Variants in RGS7BP observed in about 807,000 individuals in gnomAD.
RGS7BP encodes regulator of G protein signaling 7 binding protein, also known as regulator of G protein signaling 7-binding protein.
Under a neutral mutation model 31.3 loss-of-function variants are expected in RGS7BP, and 9 were observed. That is an observed-to-expected ratio of 0.29 (90% CI 0.17 to 0.50). The LOEUF is 0.50. RGS7BP is among the 20% of genes least tolerant of loss of function. RGS7BP has a pLI of 0.98. For missense variants in RGS7BP, 274 were observed against 322.0 expected (o/e 0.85, Z 1.14); for synonymous variants, 115 against 120.1 (o/e 0.96, Z 0.28).
intron 2 of RGS7BP, among the ~76,000 whole-genome samples, chr5:64,551,272 T>A (rs572854407): frequency 2.7e-4 from 40 of 150,232 alleles, no homozygotes; most frequent in Middle Eastern, 3.4e-3. Context: ...ATTTTATTTT[T>A]TTTTTTTTGA....
intron 1 of RGS7BP, 145 bp from the exon 2 acceptor site, chr5:64,507,566 C>A: frequency 1.5e-6 from 1 of 668,794 alleles, no homozygotes; most frequent in African/African-American, 1.8e-5. Flanking sequence ...GTGCCTTCTG[C>A]TTTAAACAAT....
At chr5:64,538,883 A>G (rs945803571) in intron 2 of RGS7BP, among the ~76,000 whole-genome samples, 2 of 151,826 alleles carry the variant, frequency 1.3e-5, no homozygotes, top group African/African-American at 2.4e-5. Context: ...AGCCTAATTC[A>G]TTTGAGATTC....
At position 64,506,648 on chromosome 5, in the gene RGS7BP, C is replaced by T. The variant is rs368559497; in HGVS notation, c.24C>T (p.Arg8=). The change falls in exon 1 of 6, where the codon CGC becomes CGT. Residue 8 remains arginine, a synonymous_variant. Transcript: ENST00000334025. The surrounding 1 kb of genome is among the most constrained non-coding windows in gnomAD (Gnocchi z 4.6). MSSAPNG[R]KKRPSRSTRS... is the part of the protein sequence containing the mutation. ...GCATGAGTTCTGCACCGAATGGGCG[C>T]AAAAAGCGCCCCAGCCGGTCCACCC... 1 of 1,610,364 alleles carries T rather than the reference C, an allele frequency of 6.2e-7. No individual in the cohort carries two copies. The highest frequency in any genetic ancestry group is 8.5e-7 in the Non-Finnish European group (1 of 1,178,222).
intron 2 of RGS7BP, among the ~76,000 whole-genome samples, chr5:64,516,071 C>T (rs1251534819): frequency 6.6e-6 from 1 of 152,030 alleles, no homozygotes; most frequent in African/African-American, 2.4e-5. Flanking sequence ...CCCAAAGTGC[C>T]AGGATTATAG....
chr5:64,557,180 G>A (rs1344893079), intron 2 of RGS7BP, among the ~76,000 whole-genome samples: 1 of 152,076 alleles, frequency 6.6e-6, no homozygotes, highest in African/African-American at 2.4e-5. Context: ...CTAAATTCTT[G>A]GGAAAGAATG....
intron 3 of RGS7BP, among the ~76,000 whole-genome samples, chr5:64,581,204 C>A (rs998974903): frequency 1.3e-5 from 2 of 152,162 alleles, no homozygotes; most frequent in African/African-American, 2.4e-5. Context: ...CACAGCAAGA[C>A]CCCATCTCAA....
At chr5:64,527,343 T>C (rs1749255352) in intron 2 of RGS7BP, among the ~76,000 whole-genome samples, 1 of 152,068 alleles carries the variant, frequency 6.6e-6, no homozygotes, top group African/African-American at 2.4e-5. Context: ...ATTCAGAATG[T>C]CTGGAGGTGA....
rs529212881 is a variant in RGS7BP, at chr5:64,610,923, T to G, written c.*1671T>G. ...TCTCTATTTAGATCATACCAGCTGG[T>G]TTTTGGCCTTATTCTTTGAATCTAG... On this transcript the variant is annotated 3_prime_UTR_variant, in exon 6 of 6. Transcript: ENST00000334025. 1 of 151,956 alleles carries G rather than the reference T, an allele frequency of 6.6e-6. No individual in the cohort carries two copies. Among genetic ancestry groups the G allele is most frequent in the African/African-American group, 2.4e-5 (1 of 41,484 alleles). 9.4% of individuals were successfully genotyped at this position (151,956 alleles called of 1,614,324 possible).
At chr5:64,568,775 GGTTA>G (rs1742230673) in intron 2 of RGS7BP, among the ~76,000 whole-genome samples, 1 of 126,506 alleles carries the variant, frequency 7.9e-6, no homozygotes, top group African/African-American at 2.9e-5. Context: ...GGGAACTGAT[GGTTA>G]TTGTTTTTTT....
chr5:64,520,536 T>C (rs932837786), intron 2 of RGS7BP, among the ~76,000 whole-genome samples: 3 of 152,218 alleles, frequency 2.0e-5, no homozygotes, highest in Non-Finnish European at 2.9e-5. Context: ...TTTTCAGTCT[T>C]TCTTTCCCTA....
rs1174645789 is a variant in RGS7BP at position 64,507,695 on chromosome 5, C to A, written c.166-16C>A. On this transcript the variant is annotated splice_polypyrimidine_tract_variant and intron_variant, in intron 1 of 5. Coordinates refer to ENST00000334025, the MANE Select transcript of RGS7BP (RefSeq NM_001029875.3). ...GAAATGTTTGGTAAAAAAAAAAAAA[C>A]TCACTTCTTTTCCAGCTTGTCCAAG... 8.6e-6 allele frequency: 13 copies of A among 1,514,314 alleles called. No homozygotes were observed. Among genetic ancestry groups the A allele is most frequent in the Admixed American group, 2.1e-5 (1 of 46,954 alleles). 93.8% of individuals were successfully genotyped at this position (1,514,314 alleles called of 1,614,324 possible).
At chr5:64,567,868 A>G (rs1253870709) in intron 2 of RGS7BP, among the ~76,000 whole-genome samples, 2 of 152,204 alleles carry the variant, frequency 1.3e-5, no homozygotes, top group African/African-American at 2.4e-5. Flanking sequence ...AATGAAAATT[A>G]ACAAGTTGAT....
intron 3 of RGS7BP, among the ~76,000 whole-genome samples, chr5:64,582,274 G>A (rs1177910707): frequency 6.6e-6 from 1 of 152,234 alleles, no homozygotes; most frequent in African/African-American, 2.4e-5. Flanking sequence ...AGTGGAGCCA[G>A]GTTTCCAAGG....
chr5:64,598,887 T>C (rs1170649540), intron 5 of RGS7BP, among the ~76,000 whole-genome samples: 1 of 152,188 alleles, frequency 6.6e-6, no homozygotes, highest in Non-Finnish European at 1.5e-5. Flanking sequence ...TTGAGGGAAA[T>C]GCTATTAGTG....
intron 2 of RGS7BP, among the ~76,000 whole-genome samples, chr5:64,572,088 A>C (rs1742313357): frequency 6.6e-6 from 1 of 152,170 alleles, no homozygotes; most frequent in African/African-American, 2.4e-5. Flanking sequence ...GTGTTAGACT[A>C]AACATAAGTA....
intron 2 of RGS7BP, among the ~76,000 whole-genome samples, chr5:64,534,716 A>G (rs1336007804): frequency 6.6e-6 from 1 of 152,244 alleles, no homozygotes; most frequent in African/African-American, 2.4e-5. Context: ...TTCAGCATCC[A>G]TTAATACCCA....
Position 64,544,500 on chromosome 5 carries a change from C to T in RGS7BP, c.333-31274C>T, listed in dbSNP as rs148867663. Among the ~76,000 whole-genome samples the T allele has an allele frequency of 8.7e-3, 1,196 of 137,766 alleles. 14 individuals carry two copies. The highest frequency in any genetic ancestry group is 0.034 in the African/African-American group (1,120 of 33,398). 90.4% of individuals were successfully genotyped at this position (137,766 alleles called of 152,430 possible). ...GACCAGCCTGGGCAACATAGTGAGA[C>T]CCTGTCTCTGAAAAAAAAAAAAAAA... On this transcript the variant is annotated intron_variant, in intron 2 of 5. Coordinates refer to ENST00000334025, the MANE Select transcript of RGS7BP (RefSeq NM_001029875.3).
chr5:64,548,917 C>T (rs1302467142), intron 2 of RGS7BP, among the ~76,000 whole-genome samples: 1 of 150,402 alleles, frequency 6.6e-6, no homozygotes, highest in Non-Finnish European at 1.5e-5. Context: ...AATACCATCA[C>T]ATTGTGGGTT....
intron 2 of RGS7BP, among the ~76,000 whole-genome samples, chr5:64,524,089 G>C (rs146743436): frequency 1.1e-4 from 16 of 152,262 alleles, no homozygotes; most frequent in African/African-American, 3.4e-4. Flanking sequence ...TGATTTAGTA[G>C]CTGGTAGGAT....
Sources: gnomAD v4.1 joint callset for allele counts (sites outside exome capture counted in the v4.1 genomes callset) on GRCh38, gnomAD v4.1.1 for gene constraint, Gnocchi (gnomAD v3.1) non-coding constraint, MANE v1.5 for transcripts, NCBI Gene and HGNC (gene_info 2026-07-23, HGNC 2026-07-21) for gene names.